Variants in SMURF2 observed in about 807,000 individuals in gnomAD.
SMURF2 encodes E3 ubiquitin-protein ligase SMURF2.
Under a neutral mutation model 109.6 loss-of-function variants are expected in SMURF2, and 48 were observed. That is an observed-to-expected ratio of 0.44 (90% confidence interval 0.35 to 0.56). SMURF2 has a LOEUF of 0.56. SMURF2 is among the 20% of genes least tolerant of loss of function. SMURF2 has a pLI of 0.01. For missense variants in SMURF2, 575 were observed against 909.0 expected (o/e 0.63, Z 4.72); for synonymous variants, 288 against 317.1 (o/e 0.91, Z 0.97).
intron 12 of SMURF2, among the ~76,000 whole-genome samples, 159 bp from the exon 13 acceptor site, chr17:64,557,881 C>T (rs1307593134): frequency 3.3e-5 from 5 of 151,982 alleles, no homozygotes; most frequent in South Asian, 2.1e-4. Context: ...AAAAATCTAC[C>T]GTACCCAAAT....
At chr17:64,624,007 TGG>T (rs1306629016) in intron 1 of SMURF2, among the ~76,000 whole-genome samples, 9 of 152,198 alleles carry the variant, frequency 5.9e-5, no homozygotes, top group Admixed American at 5.9e-4. Flanking sequence ...AAAATTATAA[TGG>T]GGTGGTTCTA....
intron 1 of SMURF2, among the ~76,000 whole-genome samples, chr17:64,619,175 C>T (rs1970164608): frequency 1.3e-5 from 2 of 151,954 alleles, no homozygotes; most frequent in Admixed American, 1.3e-4. Flanking sequence ...TACGAGGTTG[C>T]AAACACATTA....
rs1192817072 is a variant in SMURF2, at chr17:64,542,551, TAAAAC to T, written c.*3292_*3296del. The stretch of plus-strand genomic sequence containing the variant: ...AAAGTGAACTAATTACATCTAGAAA[TAAAAC>T]AACTCAGCATTTGGAACAATCATCC... On this transcript the variant is annotated 3_prime_UTR_variant, in exon 19 of 19. Coordinates refer to ENST00000262435, the MANE Select transcript of SMURF2 (RefSeq NM_022739.4). The T allele has an allele frequency of 6.6e-6, 1 of 151,940 alleles. No homozygotes were observed. The highest frequency in any genetic ancestry group is 2.4e-5 in the African/African-American group (1 of 41,356). The allele number at this position is 151,940 out of a possible 1,614,324, so 9.4% of individuals were successfully genotyped here. A position where few individuals can be genotyped will look rare whatever the true frequency, so the allele number is the denominator to read the frequency against.
chr17:64,618,126 A>G (rs1674192707), intron 1 of SMURF2, among the ~76,000 whole-genome samples: 1 of 152,170 alleles, frequency 6.6e-6, no homozygotes, highest in Non-Finnish European at 1.5e-5. Context: ...TTCTGGTGTA[A>G]GTTCACATGT....
chr17:64,629,460 C>T (rs566020561), intron 1 of SMURF2, among the ~76,000 whole-genome samples: 5 of 152,226 alleles, frequency 3.3e-5, no homozygotes, highest in African/African-American at 7.2e-5. Flanking sequence ...GCTGTGATCA[C>T]ACCACTGCAC....
chr17:64,631,314 GAGAGAGAGAGAGAC>G (rs1568203004), intron 1 of SMURF2, among the ~76,000 whole-genome samples: 2,436 of 126,576 alleles, frequency 0.019, 82 homozygotes, highest in African/African-American at 0.031. Context: ...GAGAGAGAGA[GAGAGAGAGAGAGAC>G]AGAGAGAGAG....
rs782194804 is a variant in SMURF2 at position 64,583,482 on chromosome 17, G to A, written c.548C>T (p.Thr183Met). 13 of 1,613,694 alleles carry A rather than the reference G, an allele frequency of 8.1e-6. No homozygotes were observed. The highest frequency in any genetic ancestry group is 6.7e-5 in the Admixed American group (4 of 60,000). ...TTACCGTGTTGGGCGCTCCCATTGC[G>A]TAGTTCTTGTTATATGGTTTAGATA... is the stretch of plus-strand genomic sequence containing the variant. ...IQYLNHITRT[T>M]QWERPTRPAS... The change falls in exon 7 of 19, where the codon ACG (threonine) becomes ATG (methionine). Residue 183 changes from threonine to methionine, a missense_variant. Physicochemically the swap from Thr to Met is moderately conservative, Grantham distance 81. This residue lies in a region of SMURF2 where 151 missense variants were observed against 178.4 expected (regional missense o/e 0.85). Transcript: ENST00000262435.
chr17:64,544,887 G>A lies in SMURF2; in HGVS notation c.*961C>T, dbSNP rs1339618946. The A allele has an allele frequency of 3.3e-5, 5 of 152,534 alleles. No homozygotes were observed. The highest frequency in any genetic ancestry group is 5.9e-5 in the Non-Finnish European group (4 of 68,026). The allele number at this position is 152,534 out of a possible 1,614,324, so 9.4% of individuals were successfully genotyped here. A position where few individuals can be genotyped will look rare whatever the true frequency, so the allele number is the denominator to read the frequency against. ...AGTTAAAATACAATATAAATTAGGT[G>A]CACTTGTCAGAGACTTTGGTTTATA... On this transcript the variant is annotated 3_prime_UTR_variant, in exon 19 of 19. Coordinates refer to ENST00000262435, the MANE Select transcript of SMURF2 (RefSeq NM_022739.4).
At chr17:64,632,636 G>C (rs1384466874) in intron 1 of SMURF2, among the ~76,000 whole-genome samples, 1 of 152,206 alleles carries the variant, frequency 6.6e-6, no homozygotes, top group Admixed American at 6.5e-5. Context: ...CTTTTCAGCT[G>C]AAGGGGAAAA....
chr17:64,648,058 T>TAA (rs56131846), intron 1 of SMURF2, among the ~76,000 whole-genome samples: 197 of 17,686 alleles, frequency 0.011, 26 homozygotes, highest in Middle Eastern at 0.042. Flanking sequence ...CCCTATCTCT[T>TAA]AAAAAAAAAA....
intron 2 of SMURF2, among the ~76,000 whole-genome samples, chr17:64,600,392 G>A (rs1264627628): frequency 6.6e-6 from 1 of 152,230 alleles, no homozygotes; most frequent in Non-Finnish European, 1.5e-5. Flanking sequence ...TTGGGATAGA[G>A]TAGATTTCCT....
intron 1 of SMURF2, among the ~76,000 whole-genome samples, chr17:64,613,673 AGTGTGTGT>A (rs61060865): frequency 0.021 from 441 of 20,756 alleles, 8 homozygotes; most frequent in African/African-American, 0.031. Flanking sequence ...TCCACGGACC[AGTGTGTGT>A]GTGTGTGTGT....
chr17:64,564,445 C>T (rs193039459), intron 10 of SMURF2, among the ~76,000 whole-genome samples: 2 of 152,148 alleles, frequency 1.3e-5, no homozygotes, highest in African/African-American at 4.8e-5. Flanking sequence ...AGCTGTGTGT[C>T]CCCCAAAAGA....
In SMURF2 at chr17:64,593,430, A is replaced by G; in HGVS notation, c.334+10T>C. On this transcript the variant is annotated intron_variant, in intron 4 of 18. Coordinates refer to ENST00000262435, the MANE Select transcript of SMURF2 (RefSeq NM_022739.4). ...GTTTTTTAATTGGAAAAGCACTCGT[A>G]TCTACTCACAACCAGTGTCTTTGAG... The G allele has an allele frequency of 6.2e-7, 1 of 1,602,520 alleles. No homozygotes were observed. Among genetic ancestry groups the G allele is most frequent in the South Asian group, 1.1e-5 (1 of 89,994 alleles).
intron 1 of SMURF2, among the ~76,000 whole-genome samples, chr17:64,619,959 G>A (rs147858688): frequency 1.2e-4 from 19 of 152,156 alleles, no homozygotes; most frequent in East Asian, 3.9e-4. Context: ...CCCAAGCTCC[G>A]AACTCATACA....
intron 1 of SMURF2, among the ~76,000 whole-genome samples, chr17:64,627,111 CTTTTTTTTTT>C (rs1204553792): frequency 8.3e-6 from 1 of 120,130 alleles, no homozygotes; most frequent in African/African-American, 3.4e-5. Context: ...AGTTTTTTTC[CTTTTTTTTTT>C]TTTTTTTTTT....
At position 64,593,446 on chromosome 17, in the gene SMURF2, T is replaced by C; in HGVS notation, c.328A>G (p.Thr110Ala). The C allele has an allele frequency of 1.2e-6, 2 of 1,607,330 alleles. No individual in the cohort carries two copies. Among genetic ancestry groups the C allele is most frequent in the Non-Finnish European group, 1.7e-6 (2 of 1,177,406 alleles). ...LSNAINRLKD[T>A]GYQRLDLCKL... ...AGCACTCGTATCTACTCACAACCAGTGTCTTTGAGGCGGTTGATGGCATTG... is the reference window on the plus strand; with the variant it reads ...AGCACTCGTATCTACTCACAACCAGCGTCTTTGAGGCGGTTGATGGCATTG... The change falls in exon 4 of 19, where the codon ACT (threonine) becomes GCT (alanine). Residue 110 changes from threonine (T) to alanine (A), a missense_variant. Transcript: ENST00000262435.
intron 10 of SMURF2, among the ~76,000 whole-genome samples, chr17:64,569,078 A>C (rs1317297746): frequency 3.3e-5 from 5 of 151,828 alleles, no homozygotes; most frequent in African/African-American, 1.2e-4. Context: ...CGGGCAGATC[A>C]CCTGAGGTGT....
intron 1 of SMURF2, among the ~76,000 whole-genome samples, chr17:64,646,947 A>G (rs1176969506): frequency 1.3e-5 from 2 of 152,190 alleles, no homozygotes; most frequent in African/African-American, 4.8e-5. Flanking sequence ...GAATCTAGAA[A>G]GCCCCCTTAG....
Sources: allele counts gnomAD v4.1 joint callset (sites outside exome capture counted in the v4.1 genomes callset), GRCh38; gene constraint gnomAD v4.1.1; regional missense constraint gnomAD v4.1.1; transcripts MANE v1.5; gene names NCBI Gene and HGNC (gene_info 2026-07-23, HGNC 2026-07-21).